Variants in SLC12A6 observed in about 807,000 individuals in gnomAD.
The protein encoded by SLC12A6 is solute carrier family 12 member 6, also known as K-Cl cotransporter 3.
In SLC12A6, 66 loss-of-function variants were observed where a neutral mutation model predicts 135.3. That is an observed-to-expected ratio of 0.49 (90% confidence interval 0.40 to 0.60). The LOEUF is 0.60. Among genes scored for constraint, SLC12A6 ranks in the 20% least tolerant of loss-of-function variants. The probability of loss-of-function intolerance (pLI) is 0.00; values close to 1 mark genes in which losing one functional copy is unlikely to be tolerated. For missense variants in SLC12A6, 1,058 were observed against 1,452.3 expected (o/e 0.73, Z 4.41); for synonymous variants, 513 against 508.8 (o/e 1.01, Z -0.11).
In SLC12A6 at chr15:34,232,142, C is replaced by T. The variant is rs1247264846; in HGVS notation, c.*1739G>A. The T allele has an allele frequency of 6.6e-6, 1 of 152,224 alleles. No homozygotes were observed. The highest frequency in any genetic ancestry group is 1.5e-5 in the Non-Finnish European group (1 of 68,054). 9.4% of individuals were successfully genotyped at this position (152,224 alleles called of 1,614,324 possible). ...CTTGAAATTACTGCTCAGCCAGCCA[C>T]ATAAGTAGTTTCCCTATGCTTGTAA... On this transcript the variant is annotated 3_prime_UTR_variant, in exon 26 of 26. Coordinates refer to ENST00000354181, the MANE Select transcript of SLC12A6 (RefSeq NM_001365088.1).
intron 24 of SLC12A6, 136 bp from the exon 25 acceptor site, chr15:34,235,450 T>C (rs1282235471): frequency 1.4e-6 from 1 of 726,184 alleles, no homozygotes; most frequent in African/African-American, 1.8e-5. Flanking sequence ...TTTTTTTTTT[T>C]TGAGAGGGAG....
intron 5 of SLC12A6, 62 bp downstream of exon 5, chr15:34,258,751 A>T: frequency 1.8e-6 from 2 of 1,104,634 alleles, no homozygotes; most frequent in Non-Finnish European, 1.4e-6. Context: ...TGCCTTAGGT[A>T]TTTCCTTCTT....
At chr15:34,257,578 T>C (rs1162624893) in intron 6 of SLC12A6, 64 bp downstream of exon 6, 2 of 1,228,220 alleles carry the variant, frequency 1.6e-6, no homozygotes, top group Non-Finnish European at 2.4e-6. Flanking sequence ...AAAGAGGTCA[T>C]GTGCATCTGC....
intron 2 of SLC12A6, among the ~76,000 whole-genome samples, chr15:34,328,311 A>C (rs960761198): frequency 8.5e-5 from 13 of 152,222 alleles, no homozygotes; most frequent in Admixed American, 7.9e-4. Flanking sequence ...AGACTGACTT[A>C]TTTACAATAC....
At position 34,256,297 on chromosome 15, in the gene SLC12A6, G is replaced by C. The variant is rs768550048; in HGVS notation, c.691-14C>G. 22 of 1,570,364 alleles carry C rather than the reference G, an allele frequency of 1.4e-5. No homozygotes were observed. Among genetic ancestry groups the C allele is most frequent in the Non-Finnish European group, 1.9e-5 (22 of 1,140,184 alleles). ...AGTCAACATTGTCTGCAGAGAAAAG[G>C]AAAGGAGAGGATTGTTACTGTGTAA... On this transcript the variant is annotated splice_polypyrimidine_tract_variant and intron_variant, in intron 6 of 25. Coordinates refer to ENST00000354181, the MANE Select transcript of SLC12A6 (RefSeq NM_001365088.1).
chr15:34,305,844 G>T (rs771749111), intron 2 of SLC12A6, among the ~76,000 whole-genome samples: 4 of 149,436 alleles, frequency 2.7e-5, no homozygotes, highest in Non-Finnish European at 5.9e-5. Context: ...TGCAACCTCT[G>T]CCTCCTGGGT....
chr15:34,263,080 C>G (rs999685687), intron 3 of SLC12A6, among the ~76,000 whole-genome samples: 1 of 152,064 alleles, frequency 6.6e-6, no homozygotes, highest in Non-Finnish European at 1.5e-5. Flanking sequence ...GCAATATACA[C>G]ATGTAACAAA....
chr15:34,301,793 C>A (rs112621892), intron 2 of SLC12A6, among the ~76,000 whole-genome samples: 1,816 of 152,302 alleles, frequency 0.012, 15 homozygotes, highest in Middle Eastern at 0.037. Context: ...AGTTCGAGAC[C>A]AGCCTGCAGA....
At chr15:34,256,068 G>A (rs1331412444) in intron 7 of SLC12A6, among the ~76,000 whole-genome samples, 161 bp downstream of exon 7, 1 of 152,154 alleles carries the variant, frequency 6.6e-6, no homozygotes, top group East Asian at 1.9e-4. Context: ...GCATCTTAAA[G>A]TCAAGTAGTA....
intron 2 of SLC12A6, among the ~76,000 whole-genome samples, chr15:34,329,182 A>G (rs573252087): frequency 7.2e-5 from 11 of 152,366 alleles, no homozygotes; most frequent in African/African-American, 2.6e-4. Context: ...CGAGGGCATT[A>G]AGCCAGAAGG....
intron 2 of SLC12A6, among the ~76,000 whole-genome samples, chr15:34,298,137 T>C (rs1381992854): frequency 6.6e-6 from 1 of 152,058 alleles, no homozygotes; most frequent in Non-Finnish European, 1.5e-5. Context: ...TACACAATTA[T>C]GAAACAATAA....
At chr15:34,324,464 A>G (rs1889330795) in intron 2 of SLC12A6, among the ~76,000 whole-genome samples, 1 of 152,182 alleles carries the variant, frequency 6.6e-6, no homozygotes, top group Non-Finnish European at 1.5e-5. Flanking sequence ...TTGTGACTAT[A>G]TTATACCTGC....
intron 2 of SLC12A6, among the ~76,000 whole-genome samples, chr15:34,329,196 AG>A (rs1889674573): frequency 1.3e-5 from 2 of 152,242 alleles, no homozygotes; most frequent in African/African-American, 4.8e-5. Context: ...CAGAAGGGCA[AG>A]GGGAAGAGGG....
intron 2 of SLC12A6, among the ~76,000 whole-genome samples, chr15:34,319,423 G>A (rs1254682771): frequency 6.6e-6 from 1 of 151,972 alleles, no homozygotes; most frequent in Non-Finnish European, 1.5e-5. Flanking sequence ...ATTAACAGGC[G>A]TGAGCCACCG....
rs577302931 is a variant in SLC12A6 at position 34,311,527 on chromosome 15, T to C, written c.271+24883A>G. 6.3e-4 allele frequency among the ~76,000 whole-genome samples: 96 copies of C among 152,324 alleles called. 1 individual carries two copies. Among genetic ancestry groups the C allele is most frequent in the Middle Eastern group, 3.4e-3 (1 of 294 alleles). ...TCAGGCACATTAAGATATAAAGTAA[T>C]CTCTTCTTATTAGTAAAAAGCTAGG... On this transcript the variant is annotated intron_variant, in intron 2 of 25. Coordinates refer to ENST00000354181, the MANE Select transcript of SLC12A6 (RefSeq NM_001365088.1).
chr15:34,299,128 C>CT (rs577937888), intron 2 of SLC12A6, among the ~76,000 whole-genome samples: 280 of 152,260 alleles, frequency 1.8e-3, no homozygotes, highest in African/African-American at 6.5e-3. Flanking sequence ...TTTGTAAGCT[C>CT]TACCTTTGTT....
rs1310559065 is a variant in SLC12A6, at chr15:34,232,795, T to C, written c.*1086A>G. 6.6e-6 allele frequency: 1 copy of C among 152,536 alleles called. No homozygotes were observed. The highest frequency in any genetic ancestry group is 1.9e-4 in the East Asian group (1 of 5,198). 9.4% of individuals were successfully genotyped at this position (152,536 alleles called of 1,614,324 possible). A position where few individuals can be genotyped will look rare whatever the true frequency, so the allele number is the denominator to read the frequency against. The stretch of plus-strand genomic sequence containing the variant: ...TAAGGAGAGTAGCCGCTCAGTAACG[T>C]TGGCACTAAAGAAAGAGTGTGGCTC... On this transcript the variant is annotated 3_prime_UTR_variant, in exon 26 of 26. Coordinates refer to ENST00000354181, the MANE Select transcript of SLC12A6 (RefSeq NM_001365088.1).
intron 2 of SLC12A6, among the ~76,000 whole-genome samples, chr15:34,307,310 C>G (rs188115101): frequency 6.6e-6 from 1 of 152,138 alleles, no homozygotes; most frequent in East Asian, 1.9e-4. Context: ...GTTCACTAAA[C>G]TTTTCCGAAT....
intron 2 of SLC12A6, among the ~76,000 whole-genome samples, chr15:34,335,302 T>G (rs1356127146): frequency 6.6e-6 from 1 of 152,178 alleles, no homozygotes; most frequent in Admixed American, 6.5e-5. Flanking sequence ...CTACCTTGTC[T>G]CCAGATACTA....
Sources: allele counts gnomAD v4.1 joint callset (sites outside exome capture counted in the v4.1 genomes callset), GRCh38; gene constraint gnomAD v4.1.1; transcripts MANE v1.5; gene names NCBI Gene and HGNC (gene_info 2026-07-23, HGNC 2026-07-21).